Variants in DPF3 observed in about 807,000 individuals in gnomAD.
DPF3 encodes the protein double PHD fingers 3.
In DPF3, 18 loss-of-function variants were observed where a neutral mutation model predicts 56.8. That is an observed-to-expected ratio of 0.32 (90% CI 0.22 to 0.47). The LOEUF (loss-of-function observed/expected upper bound fraction) is 0.47, where lower values mean the gene tolerates loss of function less well. Ranked by LOEUF, DPF3 falls within the 20% of genes least tolerant of loss-of-function variation. The pLI, the probability that DPF3 is intolerant of heterozygous loss-of-function variation, is 1.00. For synonymous variants in DPF3, 188 were observed against 180.2 expected, an observed-to-expected ratio of 1.04 and a Z score of -0.35; for missense variants, 403 against 488.8, an observed-to-expected ratio of 0.82 and a Z score of 1.65.
chr14:72,667,830 C>T (rs1264602834), intron 8 of DPF3, among the ~76,000 whole-genome samples: 1 of 152,146 alleles, frequency 6.6e-6, no homozygotes, highest in Non-Finnish European at 1.5e-5. Flanking sequence ...TGAGAAACAG[C>T]AAAGTATGTA....
chr14:72,872,299 G>A (rs895876470), intron 1 of DPF3, among the ~76,000 whole-genome samples: 2 of 152,164 alleles, frequency 1.3e-5, no homozygotes, highest in African/African-American at 4.8e-5. Context: ...GACATGGCCT[G>A]GAGACATTTT....
chr14:72,629,882 C>A, intron 8 of DPF3, 146 bp from the exon 9 acceptor site: 3 of 659,882 alleles, frequency 4.5e-6, no homozygotes, highest in Non-Finnish European at 8.0e-6. Flanking sequence ...CCAAACAGGG[C>A]CCTACCCACA....
At chr14:72,863,886 T>C (rs760298850) in intron 1 of DPF3, among the ~76,000 whole-genome samples, 2 of 152,082 alleles carry the variant, frequency 1.3e-5, no homozygotes, top group Non-Finnish European at 2.9e-5. Context: ...GAAGTGTGCA[T>C]AGACACTGGA....
intron 1 of DPF3, among the ~76,000 whole-genome samples, chr14:72,776,135 G>A (rs1567229187): frequency 1.3e-5 from 2 of 152,144 alleles, no homozygotes; most frequent in Admixed American, 6.5e-5. Flanking sequence ...GATCACACAT[G>A]GGACAGTCCC....
At chr14:72,717,216 A>G (rs1165947819) in intron 5 of DPF3, among the ~76,000 whole-genome samples, 6 of 152,204 alleles carry the variant, frequency 3.9e-5, no homozygotes, top group Non-Finnish European at 1.5e-5. Flanking sequence ...TCCTCTTGCC[A>G]CACTAAGGAG....
chr14:72,784,490 G>C (rs1892126312), intron 1 of DPF3, among the ~76,000 whole-genome samples: 1 of 152,154 alleles, frequency 6.6e-6, no homozygotes, highest in South Asian at 2.1e-4. Context: ...GAGCTTGGCT[G>C]AATCTAGAAT....
At chr14:72,734,462 T>C (rs1160424000) in intron 3 of DPF3, among the ~76,000 whole-genome samples, 1 of 152,150 alleles carries the variant, frequency 6.6e-6, no homozygotes, top group Admixed American at 6.5e-5. Flanking sequence ...TCTAAAGCAA[T>C]TAGTGTGTGC....
intron 2 of DPF3, among the ~76,000 whole-genome samples, chr14:72,769,740 G>A (rs1891442859): frequency 6.7e-6 from 1 of 149,984 alleles, no homozygotes; most frequent in Non-Finnish European, 1.5e-5. Flanking sequence ...CCAGAGATGA[G>A]GCAAGATAAG....
intron 8 of DPF3, chr14:72,661,534 C>A: frequency 1.0e-6 from 1 of 985,532 alleles, no homozygotes. Context: ...GCGGGTAGAA[C>A]CCAGTGGCTC....
At chr14:72,813,019 C>G (rs1408301358) in intron 1 of DPF3, among the ~76,000 whole-genome samples, 1 of 152,114 alleles carries the variant, frequency 6.6e-6, no homozygotes, top group East Asian at 1.9e-4. Context: ...TGGGCATCAG[C>G]CTCTCCACAC....
intron 1 of DPF3, among the ~76,000 whole-genome samples, chr14:72,789,443 G>A (rs1179022668): frequency 6.6e-6 from 1 of 152,200 alleles, no homozygotes; most frequent in Admixed American, 6.5e-5. Context: ...CGCTGCCTCT[G>A]TAGGAGAGGT....
chr14:72,621,800 G>T (rs1884466238), intron 9 of DPF3, among the ~76,000 whole-genome samples: 1 of 152,188 alleles, frequency 6.6e-6, no homozygotes, highest in African/African-American at 2.4e-5. Context: ...TAGATGGGGA[G>T]AGTGATAGGG....
intron 1 of DPF3, among the ~76,000 whole-genome samples, chr14:72,778,567 G>A (rs553252140): frequency 2.0e-5 from 3 of 152,122 alleles, no homozygotes; most frequent in Non-Finnish European, 4.4e-5. Flanking sequence ...CACAATAAAT[G>A]TAATGCACTT....
chr14:72,739,157 G>T lies in DPF3; in HGVS notation c.302-7223C>A, dbSNP rs141120834. Among the ~76,000 whole-genome samples, 14 of 151,812 alleles carry T rather than the reference G, an allele frequency of 9.2e-5. No homozygotes were observed. The East Asian group carries it at 2.7e-3, about 29-fold the overall frequency. On this transcript the variant is annotated intron_variant, in intron 3 of 10. Transcript: ENST00000556509. ...CTCGAGAGGCTGAGGTGGGAGAATC[G>T]CTTGAACCTGGAAGGGGGAGGTTGC...
intron 2 of DPF3, among the ~76,000 whole-genome samples, chr14:72,768,999 C>G (rs1891407250): frequency 6.7e-6 from 1 of 149,054 alleles, no homozygotes; most frequent in Non-Finnish European, 1.5e-5. Flanking sequence ...GTAATTACAT[C>G]AATATCATTT....
chr14:72,651,209 G>A lies in DPF3; in HGVS notation c.872-21473C>T, dbSNP rs564004758. 5.3e-5 allele frequency among the ~76,000 whole-genome samples: 8 copies of A among 152,296 alleles called. 1 individual carries two copies. The South Asian group carries it at 1.7e-3, about 32-fold the overall frequency. ...GGGAGGTGGCCCAGGATGGGGGCGG[G>A]CAGGGGGTCTGGAATCTTGGCATCG... On this transcript the variant is annotated intron_variant, in intron 8 of 10. Transcript: ENST00000556509.
In DPF3 at chr14:72,807,705, A is replaced by G. The variant is rs540183896; in HGVS notation, c.33-35812T>C. Among the ~76,000 whole-genome samples, 18 of 152,322 alleles carry G rather than the reference A, an allele frequency of 1.2e-4. 1 individual carries two copies. The East Asian group carries it at 3.1e-3, about 26-fold the overall frequency. On this transcript the variant is annotated intron_variant, in intron 1 of 10. Coordinates refer to ENST00000556509, the MANE Select transcript of DPF3 (RefSeq NM_001280542.3). ...CTGCCAGAACAAATCCAGTCTTACAAGAGTATGAATATTAGAGCTACAAGG... is the reference window on the plus strand; with the variant it reads ...CTGCCAGAACAAATCCAGTCTTACAGGAGTATGAATATTAGAGCTACAAGG...
chr14:72,826,043 T>G (rs914131521), intron 1 of DPF3, among the ~76,000 whole-genome samples: 3 of 152,116 alleles, frequency 2.0e-5, no homozygotes, highest in Non-Finnish European at 4.4e-5. Flanking sequence ...GGACAGTCAT[T>G]GATCTCGGCG....
intron 1 of DPF3, among the ~76,000 whole-genome samples, chr14:72,850,743 G>C (rs1460789567): frequency 1.3e-5 from 2 of 152,192 alleles, no homozygotes; most frequent in African/African-American, 4.8e-5. Flanking sequence ...GCTGAGGGGT[G>C]ACCTCTCAAT....
Sources: allele counts gnomAD v4.1 joint callset (sites outside exome capture counted in the v4.1 genomes callset), GRCh38; gene constraint gnomAD v4.1.1; transcripts MANE v1.5; gene names NCBI Gene and HGNC (gene_info 2026-07-23, HGNC 2026-07-21).